NCBP3: variants seen among roughly 807,000 people sequenced by gnomAD.
The protein encoded by NCBP3 is nuclear cap binding subunit 3.
A neutral mutation model predicts 75.7 loss-of-function variants in NCBP3; 20 were observed. The ratio of observed to expected loss-of-function variants is 0.26; its 90% CI spans 0.19 to 0.38. The LOEUF (loss-of-function observed/expected upper bound fraction) is 0.38, where lower values mean the gene tolerates loss of function less well. Ranked by LOEUF, NCBP3 falls within the 10% of genes least tolerant of loss-of-function variation. The pLI, the probability that NCBP3 is intolerant of heterozygous loss-of-function variation, is 1.00. For synonymous variants in NCBP3, 293 were observed against 290.5 expected (o/e 1.01, Z -0.09); for missense variants, 678 against 796.9 (o/e 0.85, Z 1.80).
intron 3 of NCBP3, among the ~76,000 whole-genome samples, chr17:3,839,829 C>T (rs1597414868): frequency 1.3e-5 from 2 of 152,194 alleles, no homozygotes; most frequent in Non-Finnish European, 2.9e-5. Context: ...AGCACAGGTT[C>T]GAATCTCAGC....
intron 10 of NCBP3, among the ~76,000 whole-genome samples, chr17:3,816,506 G>A (rs753123415): frequency 1.3e-5 from 2 of 152,240 alleles, no homozygotes; most frequent in Non-Finnish European, 2.9e-5. Flanking sequence ...ACATGTGTAT[G>A]TGCTATTACA....
Position 3,814,729 on chromosome 17 carries a change from CT to C in NCBP3, c.1466-247del, listed in dbSNP as rs113946666. 1.7e-3 allele frequency among the ~76,000 whole-genome samples: 242 copies of C among 145,760 alleles called. 1 individual carries two copies. The highest frequency in any genetic ancestry group is 3.6e-3 in the Middle Eastern group (1 of 280). ...AGAACTATATTTCTGAAGAAACAAC[CT>C]TTTTTTTTTTTTCTTTAAGCAGAAT... is the stretch of plus-strand genomic sequence containing the variant. On this transcript the variant is annotated intron_variant, in intron 11 of 12. Coordinates refer to ENST00000389005, the MANE Select transcript of NCBP3 (RefSeq NM_001114118.3).
At chr17:3,826,694 GAGAAGGAA>G (rs1254401568) in intron 4 of NCBP3, among the ~76,000 whole-genome samples, 1 of 124,798 alleles carries the variant, frequency 8.0e-6, no homozygotes, top group African/African-American at 4.1e-5. Context: ...GAGACAGAAA[GAGAAGGAA>G]GGAAGGAAGG....
Position 3,825,782 on chromosome 17 carries a change from G to C in NCBP3, c.672C>G (p.Asn224Lys). The change falls in exon 6 of 13, where the codon AAC becomes AAG. Residue 224 changes from asparagine (N) to lysine (K), a missense_variant. Asn to Lys is a moderately conservative substitution (Grantham distance 94, BLOSUM62 0). Transcript: ENST00000389005. ...TATTACTAACCTCTACATCACTTGA[G>C]TTCTCATCTTCAACCTCTCCTTCTT... ...EAEEGEVEDENSSDVELDTLS... is the reference protein window; with the variant it reads ...EAEEGEVEDEKSSDVELDTLS... 6.5e-7 allele frequency: 1 copy of C among 1,550,368 alleles called. No homozygotes were observed. Among genetic ancestry groups the C allele is most frequent in the Non-Finnish European group, 8.7e-7 (1 of 1,146,068 alleles).
rs980805173 is a variant in NCBP3, at chr17:3,846,209, C to A, written c.15G>T (p.Arg5=). MAAV[R]GLRVSVKAEA... ...CCGCCTTCACCGACACCCGCAGGCC[C>A]CGTACGGCCGCCATCGCTGCCTGCC... The change falls in exon 1 of 13, where the codon CGG becomes CGT. Residue 5 remains arginine (R), a synonymous_variant. Coordinates refer to ENST00000389005, the MANE Select transcript of NCBP3 (RefSeq NM_001114118.3). This position sits in a 1 kb window ranked among gnomAD's most constrained non-coding sequence, Gnocchi z 4.6. 6.9e-7 allele frequency: 1 copy of A among 1,450,752 alleles called. No homozygotes were observed. Among genetic ancestry groups the A allele is most frequent in the Non-Finnish European group, 9.0e-7 (1 of 1,106,928 alleles). The allele number at this position is 1,450,752 out of a possible 1,614,324, so 89.9% of individuals were successfully genotyped here.
Position 3,818,245 on chromosome 17 carries a change from G to T in NCBP3, c.1310+18C>A. ...TAAAATCAAATTAAAAGCTAGCTTT[G>T]ATAAAACAAATTTTTACCTAATATT... is the stretch of plus-strand genomic sequence containing the variant. On this transcript the variant is annotated intron_variant, in intron 10 of 12. Transcript: ENST00000389005. This position sits in a 1 kb window ranked among gnomAD's most constrained non-coding sequence, Gnocchi z 4.7. 2 of 1,540,248 alleles carry T rather than the reference G, an allele frequency of 1.3e-6. No homozygotes were observed. Among genetic ancestry groups the T allele is most frequent in the South Asian group, 2.5e-5 (2 of 80,564 alleles).
In NCBP3 at chr17:3,807,040, A is replaced by G. The variant is rs145466555; in HGVS notation, c.*6004T>C. ...TCACAGTAAATTTTGACTTAAGTCT[A>G]AAGCGTGTGTTAGCATCTCACCGTA... is the stretch of plus-strand genomic sequence containing the variant. On this transcript the variant is annotated 3_prime_UTR_variant, in exon 13 of 13. Transcript: ENST00000389005. The G allele has an allele frequency of 1.9e-3, 284 of 152,352 alleles. 2 individuals are homozygous for G. Among genetic ancestry groups the G allele is most frequent in the African/African-American group, 6.3e-3 (263 of 41,580 alleles). The allele number at this position is 152,352 out of a possible 1,614,324, so 9.4% of individuals were successfully genotyped here. A position where few individuals can be genotyped will look rare whatever the true frequency, so the allele number is the denominator to read the frequency against.
Position 3,806,408 on chromosome 17 carries a change from C to T in NCBP3, c.*6636G>A, listed in dbSNP as rs1354798548. On this transcript the variant is annotated 3_prime_UTR_variant, in exon 13 of 13. Coordinates refer to ENST00000389005, the MANE Select transcript of NCBP3 (RefSeq NM_001114118.3). ...AATTCTCTTCTGTCAATGGTGTGGGCCTCTCGACCTCACTAACCTATATTG... is the reference window on the plus strand; with the variant it reads ...AATTCTCTTCTGTCAATGGTGTGGGTCTCTCGACCTCACTAACCTATATTG... 1 of 152,222 alleles carries T rather than the reference C, an allele frequency of 6.6e-6. No individual in the cohort carries two copies. Among genetic ancestry groups the T allele is most frequent in the Non-Finnish European group, 1.5e-5 (1 of 68,068 alleles). The allele number at this position is 152,222 out of a possible 1,614,324, so 9.4% of individuals were successfully genotyped here. A position where few individuals can be genotyped will look rare whatever the true frequency, so the allele number is the denominator to read the frequency against.
At chr17:3,844,549 G>A (rs1270386452) in intron 1 of NCBP3, among the ~76,000 whole-genome samples, 1 of 152,100 alleles carries the variant, frequency 6.6e-6, no homozygotes, top group Non-Finnish European at 1.5e-5. Context: ...ACATAGCGGG[G>A]GATGCAATAA....
In NCBP3 at chr17:3,812,931, T is replaced by C. The variant is rs949281926; in HGVS notation, c.*113A>G. 7 of 1,525,044 alleles carry C rather than the reference T, an allele frequency of 4.6e-6. No homozygotes were observed. In the East Asian group the frequency reaches 6.8e-5, roughly 15 times the overall value. 94.5% of individuals were successfully genotyped at this position (1,525,044 alleles called of 1,614,324 possible). Reference sequence around the variant, plus strand: ...CGAAGTAGCAAGAGCGGAGGGTGACTGTGTGAGCAGGAGCGAGAGGGCGCC... The same window carrying C: ...CGAAGTAGCAAGAGCGGAGGGTGACCGTGTGAGCAGGAGCGAGAGGGCGCC... On this transcript the variant is annotated 3_prime_UTR_variant, in exon 13 of 13. Coordinates refer to ENST00000389005, the MANE Select transcript of NCBP3 (RefSeq NM_001114118.3).
chr17:3,829,501 T>C (rs78830554), intron 3 of NCBP3, 133 bp from the exon 4 acceptor site: 36,796 of 1,010,670 alleles, frequency 0.036, 960 homozygotes, highest in Admixed American at 0.11. Context: ...TATAATTATT[T>C]CAAAAGAGCA....
chr17:3,824,844 G>T, intron 7 of NCBP3, 98 bp downstream of exon 7: 2 of 608,038 alleles, frequency 3.3e-6, no homozygotes, highest in Non-Finnish European at 5.4e-6. Flanking sequence ...GGAACTTTGA[G>T]ATTACTTGAT....
chr17:3,817,752 A>C (rs1473624523), intron 10 of NCBP3, among the ~76,000 whole-genome samples: 1 of 152,232 alleles, frequency 6.6e-6, no homozygotes, highest in Non-Finnish European at 1.5e-5. Context: ...GAGTTAGTGC[A>C]ATTGTAAGAA....
Position 3,840,197 on chromosome 17 carries a change from A to T in NCBP3, c.258T>A (p.Ile86=). Residue 86 remains isoleucine (I), a synonymous_variant, in exon 3 of 13, where the codon ATT becomes ATA. Transcript: ENST00000389005. Reference sequence around the variant, plus strand: ...GCTTGGCTCGCTGCTCTTTCTTTTCAATTGCTTCCTAGAAAGTACAGAAAA... The same window carrying T: ...GCTTGGCTCGCTGCTCTTTCTTTTCTATTGCTTCCTAGAAAGTACAGAAAA... The part of the protein sequence containing the change: ...TGIDVTSKEA[I]EKKEQRAKRF... 6.4e-7 allele frequency: 1 copy of T among 1,551,596 alleles called. No individual in the cohort carries two copies.
chr17:3,844,179 A>C (rs569518011), intron 1 of NCBP3, among the ~76,000 whole-genome samples: 2 of 152,322 alleles, frequency 1.3e-5, no homozygotes, highest in Admixed American at 1.3e-4. Context: ...CCTGAGGCAA[A>C]TACAGCACAG....
At chr17:3,845,902 T>G in intron 1 of NCBP3, 139 bp downstream of exon 1, 1 of 995,852 alleles carries the variant, frequency 1.0e-6, no homozygotes, top group Non-Finnish European at 1.4e-6. Flanking sequence ...GGCGTTCCCG[T>G]TCCCAGGACG....
intron 3 of NCBP3, among the ~76,000 whole-genome samples, chr17:3,839,618 G>T (rs955531345): frequency 7.9e-5 from 12 of 152,270 alleles, no homozygotes; most frequent in African/African-American, 2.9e-4. Context: ...AAAGTGCTGG[G>T]ATTACAGGCA....
intron 3 of NCBP3, 73 bp downstream of exon 3, chr17:3,840,027 A>G (rs866179065): frequency 8.4e-7 from 1 of 1,195,508 alleles, no homozygotes; most frequent in Non-Finnish European, 1.2e-6. Flanking sequence ...CAAGGCCAGA[A>G]GCATGAGGTG....
chr17:3,819,796 G>C (rs2053627589), intron 9 of NCBP3, among the ~76,000 whole-genome samples: 1 of 152,058 alleles, frequency 6.6e-6, no homozygotes. Flanking sequence ...AAACAAATGG[G>C]AAAAATGTAA....
Sources: allele counts gnomAD v4.1 joint callset (sites outside exome capture counted in the v4.1 genomes callset), GRCh38; gene constraint gnomAD v4.1.1; non-coding constraint Gnocchi (gnomAD v3.1); transcripts MANE v1.5; gene names NCBI Gene and HGNC (gene_info 2026-07-23, HGNC 2026-07-21).